The following FAM13A variants were observed in gnomAD, a reference collection of about 807,000 sequenced individuals.
The protein encoded by FAM13A is protein FAM13A.
A neutral mutation model predicts 129.6 loss-of-function variants in FAM13A; 76 were observed. The ratio of observed to expected loss-of-function variants is 0.59; its 90% CI spans 0.49 to 0.71. FAM13A has a LOEUF of 0.71. Ranked by LOEUF, FAM13A falls within the 30% of genes least tolerant of loss-of-function variation. FAM13A has a pLI of 0.00. For synonymous variants in FAM13A, 443 were observed against 449.9 expected (o/e 0.98, Z 0.20); for missense variants, 1,108 against 1,249.3 (o/e 0.89, Z 1.70).
At chr4:88,912,960 G>A (rs1160349378) in intron 5 of FAM13A, among the ~76,000 whole-genome samples, 2 of 151,948 alleles carry the variant, frequency 1.3e-5, no homozygotes, top group Non-Finnish European at 2.9e-5. Flanking sequence ...CAGCCAGGGT[G>A]ACAGAGCAAG....
intron 4 of FAM13A, among the ~76,000 whole-genome samples, chr4:88,940,801 G>C (rs905049397): frequency 1.3e-5 from 2 of 152,202 alleles, no homozygotes; most frequent in Admixed American, 6.5e-5. Flanking sequence ...ATTGTAGCAT[G>C]AGATGGAAAA....
intron 6 of FAM13A, among the ~76,000 whole-genome samples, chr4:88,878,303 A>G (rs998342064): frequency 9.3e-5 from 14 of 150,332 alleles, no homozygotes; most frequent in Non-Finnish European, 1.5e-4. Context: ...AAAAAAAAAA[A>G]AAAAAAAAAA....
intron 6 of FAM13A, among the ~76,000 whole-genome samples, chr4:88,882,998 C>G (rs1232043184): frequency 6.6e-6 from 1 of 151,992 alleles, no homozygotes; most frequent in African/African-American, 2.4e-5. Flanking sequence ...ACCACTGGAG[C>G]TCCCAAATTT....
At chr4:88,800,702 A>G (rs941952909) in intron 8 of FAM13A, among the ~76,000 whole-genome samples, 1 of 151,060 alleles carries the variant, frequency 6.6e-6, no homozygotes, top group Non-Finnish European at 1.5e-5. Context: ...AAAACAAAAA[A>G]AAAAAAAGAA....
intron 5 of FAM13A, among the ~76,000 whole-genome samples, chr4:88,913,463 A>AGAG (rs1445524975): frequency 1.2e-5 from 1 of 83,318 alleles, no homozygotes; most frequent in Non-Finnish European, 2.7e-5. Flanking sequence ...AAGAAGAAGA[A>AGAG]GAGGAGGAGG....
chr4:89,012,306 A>G (rs951532031), intron 3 of FAM13A, among the ~76,000 whole-genome samples: 1 of 152,230 alleles, frequency 6.6e-6, no homozygotes, highest in Non-Finnish European at 1.5e-5. Flanking sequence ...TAATCATACT[A>G]TAAACCTTGA....
At chr4:88,972,617 T>TG (rs1760277131) in intron 4 of FAM13A, among the ~76,000 whole-genome samples, 7 of 151,764 alleles carry the variant, frequency 4.6e-5, no homozygotes, top group African/African-American at 1.7e-4. Flanking sequence ...TCACTTTTTT[T>TG]TGGGGGGGAG....
rs1358064442 is a variant in FAM13A at position 88,727,134 on chromosome 4, C to T, written c.*1399G>A. On this transcript the variant is annotated 3_prime_UTR_variant, in exon 24 of 24. Transcript: ENST00000264344. ...TACGAGGGTGCCTCTGCTGTGTGTT[C>T]ATACTGTAACACGTCGTCTAAGGCA... The T allele has an allele frequency of 6.6e-6, 1 of 152,418 alleles. No individual in the cohort carries two copies. Among genetic ancestry groups the T allele is most frequent in the Non-Finnish European group, 1.5e-5 (1 of 68,034 alleles). The allele number at this position is 152,418 out of a possible 1,614,324, so 9.4% of individuals were successfully genotyped here.
intron 7 of FAM13A, among the ~76,000 whole-genome samples, chr4:88,821,743 C>T (rs1731956241): frequency 1.3e-5 from 2 of 152,184 alleles, no homozygotes; most frequent in South Asian, 4.1e-4. Context: ...GACATTTTCA[C>T]TGAGTTCACG....
chr4:88,925,971 A>G (rs909991263), intron 5 of FAM13A, among the ~76,000 whole-genome samples: 1 of 152,164 alleles, frequency 6.6e-6, no homozygotes, highest in East Asian at 1.9e-4. Context: ...ACTTAACCAG[A>G]AGCAGAACTT....
At chr4:88,822,385 G>A (rs1732163168) in intron 7 of FAM13A, among the ~76,000 whole-genome samples, 1 of 151,858 alleles carries the variant, frequency 6.6e-6, no homozygotes, top group Non-Finnish European at 1.5e-5. Context: ...TAATCACGAA[G>A]GAACAAAAAC....
intron 6 of FAM13A, among the ~76,000 whole-genome samples, chr4:88,892,612 CA>C (rs1408785256): frequency 1.3e-5 from 2 of 152,148 alleles, no homozygotes; most frequent in Non-Finnish European, 2.9e-5. Context: ...ATGTGTCTGG[CA>C]TTCTAAAATA....
chr4:88,822,163 G>A (rs1392718945), intron 7 of FAM13A, among the ~76,000 whole-genome samples: 3 of 152,098 alleles, frequency 2.0e-5, no homozygotes, highest in Non-Finnish European at 4.4e-5. Context: ...ATGTAAAGCA[G>A]TTGAAGTTGA....
chr4:88,883,982 C>T (rs920643507), intron 6 of FAM13A, among the ~76,000 whole-genome samples: 2 of 151,772 alleles, frequency 1.3e-5, no homozygotes, highest in African/African-American at 4.8e-5. Flanking sequence ...AAACTCTGCA[C>T]AGATGAATAA....
At chr4:88,846,561 T>C (rs966686828) in intron 7 of FAM13A, among the ~76,000 whole-genome samples, 1 of 152,360 alleles carries the variant, frequency 6.6e-6, no homozygotes, top group South Asian at 2.1e-4. Flanking sequence ...ACAGACAGCA[T>C]TGGCTTAATA....
intron 7 of FAM13A, among the ~76,000 whole-genome samples, chr4:88,831,746 G>T (rs1203058337): frequency 6.6e-6 from 1 of 152,222 alleles, no homozygotes; most frequent in South Asian, 2.1e-4. Context: ...AATCAGAAAG[G>T]ACACAAACAA....
chr4:88,800,139 G>A (rs1727124967), intron 8 of FAM13A, among the ~76,000 whole-genome samples: 1 of 152,100 alleles, frequency 6.6e-6, no homozygotes, highest in Non-Finnish European at 1.5e-5. Flanking sequence ...TGGTTGCCAG[G>A]GGATAGGGAA....
intron 6 of FAM13A, among the ~76,000 whole-genome samples, chr4:88,851,488 A>G (rs1362236359): frequency 6.6e-6 from 1 of 152,044 alleles, no homozygotes; most frequent in Non-Finnish European, 1.5e-5. Flanking sequence ...TAATCATTCT[A>G]TGTAATGAGA....
intron 4 of FAM13A, among the ~76,000 whole-genome samples, chr4:88,954,427 G>A (rs1472976080): frequency 3.3e-5 from 5 of 152,168 alleles, no homozygotes; most frequent in Admixed American, 3.3e-4. Context: ...AAGTGTTAGA[G>A]GCTAGGCTAG....
Sources: gnomAD v4.1 joint callset for allele counts (sites outside exome capture counted in the v4.1 genomes callset) on GRCh38, gnomAD v4.1.1 for gene constraint, MANE v1.5 for transcripts, NCBI Gene and HGNC (gene_info 2026-07-23, HGNC 2026-07-21) for gene names.